The following TEX9 variants were observed in gnomAD, a reference collection of about 807,000 sequenced individuals.
TEX9 encodes testis expressed 9, also known as testis-expressed protein 9.
In TEX9, 74 loss-of-function variants were observed where a neutral mutation model predicts 59.6. The ratio of observed to expected loss-of-function variants is 1.24; its 90% CI spans 1.03 to 1.51. TEX9 has a LOEUF of 1.51. Ranked by LOEUF, TEX9 falls within the 40% of genes most tolerant of loss-of-function variation. The pLI is 0.00. For synonymous variants in TEX9, 186 were observed against 152.2 expected, an observed-to-expected ratio of 1.22 and a Z score of -1.64; for missense variants, 522 against 447.8, an observed-to-expected ratio of 1.17 and a Z score of -1.49.
rs201186164 is a variant in TEX9 at position 56,434,245 on chromosome 15, G to C, written c.*29+5772G>C. 38 of 1,613,660 alleles carry C rather than the reference G, an allele frequency of 2.4e-5. No homozygotes were observed. The highest frequency in any genetic ancestry group is 1.9e-5 in the Non-Finnish European group (22 of 1,179,852). ...TTCTGAGCATTCATTAATTCTATTCGATCATCCTCAGCAAATTTAGCTAGC... is the reference window on the plus strand; with the variant it reads ...TTCTGAGCATTCATTAATTCTATTCCATCATCCTCAGCAAATTTAGCTAGC... On this transcript the variant is annotated intron_variant, in intron 12 of 12. Transcript: ENST00000352903.
chr15:56,269,684 G>T (rs867231559), intron 1 of TEX9, among the ~76,000 whole-genome samples: 2 of 141,170 alleles, frequency 1.4e-5, no homozygotes, highest in Non-Finnish European at 3.0e-5. Flanking sequence ...ACGGAGTCTC[G>T]CTCTGTCTCC....
At chr15:56,272,636 A>C (rs117871808) in intron 1 of TEX9, among the ~76,000 whole-genome samples, 1,747 of 152,290 alleles carry the variant, frequency 0.011, 12 homozygotes, top group Non-Finnish European at 0.019. Context: ...ATAGGAGTAG[A>C]ACGGCTGAGT....
chr15:56,304,844 T>G (rs1224082866), intron 1 of TEX9, among the ~76,000 whole-genome samples: 1 of 152,144 alleles, frequency 6.6e-6, no homozygotes, highest in Non-Finnish European at 1.5e-5. Flanking sequence ...CGCCTCAGCC[T>G]CCTGAGTAGC....
At chr15:56,451,896 C>G in the TEX9 span, among the ~76,000 whole-genome samples, 3 of 152,056 alleles carry the variant, frequency 2.0e-5, no homozygotes, top group Admixed American at 6.6e-5. Context: ...TTATTACTTA[C>G]GTCTAGTTTA....
intron 1 of TEX9, among the ~76,000 whole-genome samples, chr15:56,344,439 A>G (rs62047377): frequency 0.3 from 45,730 of 152,028 alleles, 7,760 homozygotes; most frequent in Middle Eastern, 0.48. Flanking sequence ...GTGTAATTCC[A>G]TTTATATAAA....
chr15:56,439,385 ATATT>A (rs2050781514), intron 12 of TEX9, among the ~76,000 whole-genome samples: 2 of 152,228 alleles, frequency 1.3e-5, no homozygotes, highest in African/African-American at 2.4e-5. Flanking sequence ...CCAGCAAAAA[ATATT>A]TATAGAGACA....
At chr15:56,324,074 T>G (rs566000116) in intron 1 of TEX9, among the ~76,000 whole-genome samples, 1 of 152,308 alleles carries the variant, frequency 6.6e-6, no homozygotes, top group South Asian at 2.1e-4. Flanking sequence ...AGGTTCTTAT[T>G]GGTGCACAGC....
chr15:56,362,033 T>G (rs2046799476), upstream of TEX9, among the ~76,000 whole-genome samples: 1 of 152,190 alleles, frequency 6.6e-6, no homozygotes, highest in Non-Finnish European at 1.5e-5. Context: ...AACTATATAA[T>G]TTATATTCTT....
At chr15:56,443,679 C>T in intron 12 of TEX9, 1 of 1,613,338 alleles carries the variant, frequency 6.2e-7, no homozygotes, top group Non-Finnish European at 8.5e-7. Flanking sequence ...TTTTCTTGAA[C>T]TTTTGCCATC....
intron 1 of TEX9, among the ~76,000 whole-genome samples, chr15:56,320,173 A>G (rs994629677): frequency 5.3e-5 from 8 of 152,154 alleles, no homozygotes; most frequent in African/African-American, 1.9e-4. Context: ...TTAGGTGCTC[A>G]CTTCCACTGC....
At chr15:56,394,112 A>G (rs2048342396) in intron 7 of TEX9, 53 bp from the exon 8 acceptor site, 1 of 1,496,500 alleles carries the variant, frequency 6.7e-7, no homozygotes, top group African/African-American at 1.4e-5. Context: ...CTTACAATTG[A>G]TGTCATCTTA....
intron 1 of TEX9, among the ~76,000 whole-genome samples, chr15:56,320,418 G>A (rs948355509): frequency 6.6e-6 from 1 of 152,156 alleles, no homozygotes; most frequent in Non-Finnish European, 1.5e-5. Context: ...TCTCTTCCTG[G>A]CTTGCAGAGG....
chr15:56,358,092 T>C (rs942180571), intron 1 of TEX9, among the ~76,000 whole-genome samples: 30 of 152,294 alleles, frequency 2.0e-4, no homozygotes, highest in African/African-American at 7.2e-4. Flanking sequence ...TAAATGACTT[T>C]TAGCCTTTTT....
chr15:56,322,177 C>T (rs901278131), intron 1 of TEX9, among the ~76,000 whole-genome samples: 2 of 151,954 alleles, frequency 1.3e-5, no homozygotes, highest in African/African-American at 4.8e-5. Flanking sequence ...TTCAGGTCTG[C>T]GGATCAGCAA....
chr15:56,429,059 G>T, intron 12 of TEX9: 2 of 1,293,562 alleles, frequency 1.5e-6, no homozygotes, highest in African/African-American at 1.5e-5. Flanking sequence ...ACATCTAGTG[G>T]TAACATGCAA....
chr15:56,445,319 C>T lies in TEX9; in HGVS notation c.*30-352C>T, dbSNP rs554856304. Among the ~76,000 whole-genome samples, 3 of 152,012 alleles carry T rather than the reference C, an allele frequency of 2.0e-5. No homozygotes were observed. In the Middle Eastern group the frequency reaches 0.01, roughly 517 times the overall value. On this transcript the variant is annotated intron_variant, in intron 12 of 12. Transcript: ENST00000352903. ...TCTTTCTTCTTGGATGGGTTAAACC[C>T]CTTATTTCTTTTGAGCATTTTTCAA...
chr15:56,396,239 T>C (rs2048462688), intron 9 of TEX9: 1 of 152,188 alleles, frequency 6.6e-6, no homozygotes, highest in Non-Finnish European at 1.5e-5. Context: ...AAAACCCTGC[T>C]TTTTAAACAT....
At chr15:56,382,803 CT>C in intron 3 of TEX9, among the ~76,000 whole-genome samples, 1 of 152,160 alleles carries the variant, frequency 6.6e-6, no homozygotes, top group East Asian at 1.9e-4. Flanking sequence ...GAATGAGACA[CT>C]TTTGTTGCTG....
chr15:56,316,693 G>C (rs377514574), intron 1 of TEX9, among the ~76,000 whole-genome samples: 6,638 of 151,798 alleles, frequency 0.044, 216 homozygotes, highest in Admixed American at 0.087. Context: ...TGGAGCTTCC[G>C]GGCTGCTTTG....
Sources: gnomAD v4.1 joint callset for allele counts (sites outside exome capture counted in the v4.1 genomes callset) on GRCh38, gnomAD v4.1.1 for gene constraint, MANE v1.5 for transcripts, NCBI Gene and HGNC (gene_info 2026-07-23, HGNC 2026-07-21) for gene names.